The following PTGR2 variants were observed in gnomAD, a reference collection of about 807,000 sequenced individuals.
PTGR2 encodes the protein 15-oxoprostaglandin 13-reductase.
In PTGR2, 32 loss-of-function variants were observed where a neutral mutation model predicts 43.4. That is an observed-to-expected ratio of 0.74 (90% CI 0.56 to 0.99). The LOEUF (loss-of-function observed/expected upper bound fraction) is 0.99, where lower values mean the gene tolerates loss of function less well. Among genes scored for constraint, PTGR2 ranks in the 50% least tolerant of loss-of-function variants. PTGR2 has a pLI of 0.00. For synonymous variants in PTGR2, 106 were observed against 139.2 expected, an observed-to-expected ratio of 0.76 and a Z score of 1.68; for missense variants, 373 against 420.0, an observed-to-expected ratio of 0.89 and a Z score of 0.98.
At chr14:73,877,934 G>C (rs1007893284) in intron 5 of PTGR2, 2 of 152,254 alleles carry the variant, frequency 1.3e-5, no homozygotes, top group African/African-American at 4.8e-5. Flanking sequence ...AACTTGGCAG[G>C]ATTACTTGAG....
At chr14:73,857,075 C>T in intron 1 of PTGR2, among the ~76,000 whole-genome samples, 1 of 151,654 alleles carries the variant, frequency 6.6e-6, no homozygotes, top group East Asian at 1.9e-4. Flanking sequence ...AATTCGAGAC[C>T]AGCCTGAGCA....
chr14:73,861,153 G>C (rs944770763), intron 3 of PTGR2: 6 of 152,854 alleles, frequency 3.9e-5, no homozygotes, highest in African/African-American at 7.3e-5. Context: ...TCTGACTTTG[G>C]CCTCCTTGAA....
chr14:73,854,229 A>G lies in PTGR2; in HGVS notation c.-48+2286A>G, dbSNP rs192208094. On this transcript the variant is annotated intron_variant, in intron 1 of 9. Transcript: ENST00000555661. ...GTGATTCTCCTGCCTCAGCCTCCGG[A>G]GTAGCTGGGATTACAGGCACCCGCC... Among the ~76,000 whole-genome samples the G allele has an allele frequency of 8.1e-3, 1,227 of 152,094 alleles. 16 individuals carry two copies. The highest frequency in any genetic ancestry group is 0.028 in the African/African-American group (1,176 of 41,480).
At chr14:73,866,751 G>A (rs1053459768) in intron 3 of PTGR2, among the ~76,000 whole-genome samples, 4 of 152,054 alleles carry the variant, frequency 2.6e-5, no homozygotes, top group Non-Finnish European at 4.4e-5. Context: ...CTCTAATGTG[G>A]GTGGGCATCA....
intron 1 of PTGR2, among the ~76,000 whole-genome samples, chr14:73,854,256 C>T (rs951976258): frequency 6.6e-6 from 1 of 152,046 alleles, no homozygotes. Flanking sequence ...GCACCCGCCA[C>T]CACGCCTGGT....
intron 3 of PTGR2, among the ~76,000 whole-genome samples, chr14:73,866,945 C>T (rs11848525): frequency 0.033 from 4,948 of 151,728 alleles, 285 homozygotes; most frequent in African/African-American, 0.11. Flanking sequence ...AAAAATTAGC[C>T]GGGTGTGGTG....
chr14:73,868,255 C>T (rs1202979313), intron 3 of PTGR2, among the ~76,000 whole-genome samples: 2 of 152,056 alleles, frequency 1.3e-5, no homozygotes, highest in African/African-American at 4.8e-5. Flanking sequence ...CGCCACTGCA[C>T]TCCAGCCTGG....
At position 73,880,036 on chromosome 14, in the gene PTGR2, A is replaced by G. The variant is rs1397432504; in HGVS notation, c.730-19A>G. 1 of 1,612,270 alleles carries G rather than the reference A, an allele frequency of 6.2e-7. No homozygotes were observed. The highest frequency in any genetic ancestry group is 8.5e-7 in the Non-Finnish European group (1 of 1,178,518). On this transcript the variant is annotated intron_variant, in intron 6 of 9. Transcript: ENST00000555661. ...AAACATAGGAAAGGGATATTTTATC[A>G]TTATTTTTCTCTGTGCAGATGAATG...
intron 3 of PTGR2, among the ~76,000 whole-genome samples, chr14:73,863,116 T>C (rs192304082): frequency 1.7e-3 from 254 of 152,338 alleles, no homozygotes; most frequent in African/African-American, 5.8e-3. Flanking sequence ...ATTCTGCAAC[T>C]GTCATTACAA....
chr14:73,861,609 G>C (rs115184274), intron 3 of PTGR2: 1 of 152,168 alleles, frequency 6.6e-6, no homozygotes, highest in Non-Finnish European at 1.5e-5. Flanking sequence ...GGTGGTGTGT[G>C]CCTGTAGTCC....
chr14:73,860,484 ATAG>A, intron 2 of PTGR2, 52 bp from the exon 3 acceptor site: 1 of 790,178 alleles, frequency 1.3e-6, no homozygotes, highest in Admixed American at 2.3e-5. Flanking sequence ...AATAATAATA[ATAG>A]TATATAGCAA....
intron 5 of PTGR2, chr14:73,877,975 T>C (rs2054901107): frequency 6.6e-6 from 1 of 152,124 alleles, no homozygotes; most frequent in Admixed American, 6.6e-5. Flanking sequence ...CTGGGCAACA[T>C]AGTAAGACTC....
At position 73,879,645 on chromosome 14, in the gene PTGR2, T is replaced by TTGCGTAGAGAATGGGTTTCATAGAGA. The variant is rs11281736; in HGVS notation, c.729+340_729+341insTGCGTAGAGAATGGGTTTCATAGAGA. 489 of 299,778 alleles carry TTGCGTAGAGAATGGGTTTCATAGAGA rather than the reference T, an allele frequency of 1.6e-3. 3 individuals are homozygous for TTGCGTAGAGAATGGGTTTCATAGAGA. The highest frequency in any genetic ancestry group is 2.8e-3 in the Non-Finnish European group (441 of 160,024). 18.6% of individuals were successfully genotyped at this position (299,778 alleles called of 1,614,324 possible). The stretch of plus-strand genomic sequence containing the variant: ...CAACTCACAGCCATGGCCCCAGACC[T>TTGCGTAGAGAATGGGTTTCATAGAGA]ATGGGTTTCATAGGCTGCATGTATT... On this transcript the variant is annotated intron_variant, in intron 6 of 9. Coordinates refer to ENST00000555661, the MANE Select transcript of PTGR2 (RefSeq NM_001146154.2).
At chr14:73,871,846 T>A (rs17782222) in intron 3 of PTGR2, among the ~76,000 whole-genome samples, 46,364 of 151,986 alleles carry the variant, frequency 0.31, 9,013 homozygotes, top group Non-Finnish European at 0.42. Context: ...TTATTTCCAT[T>A]TTTCCTACTA....
intron 9 of PTGR2, among the ~76,000 whole-genome samples, chr14:73,883,724 G>T (rs1215802672): frequency 6.6e-6 from 1 of 152,076 alleles, no homozygotes; most frequent in African/African-American, 2.4e-5. Flanking sequence ...GACTTCAAGT[G>T]ATCCACCCAC....
chr14:73,853,620 G>T (rs1161012490), intron 1 of PTGR2, among the ~76,000 whole-genome samples: 1 of 152,164 alleles, frequency 6.6e-6, no homozygotes, highest in Non-Finnish European at 1.5e-5. Context: ...ACCATACCCG[G>T]CCCCTTTTCT....
intron 3 of PTGR2, among the ~76,000 whole-genome samples, chr14:73,873,765 G>C (rs2054791749): frequency 6.6e-6 from 1 of 152,092 alleles, no homozygotes; most frequent in African/African-American, 2.4e-5. Flanking sequence ...TTCCCAGCCA[G>C]TGACAATTTT....
At position 73,876,483 on chromosome 14, in the gene PTGR2, C is replaced by CTTTTTTTTTTTTTTTTTTTTTTTTTTTTT. The variant is rs766810794; in HGVS notation, c.349-499_349-498insTTTTTTTTTTTTTTTTTTTTTTTTTTTTT. On this transcript the variant is annotated intron_variant, in intron 4 of 9. Coordinates refer to ENST00000555661, the MANE Select transcript of PTGR2 (RefSeq NM_001146154.2). ...TCTTCTTCTTCTAAGGACATAAGTC[C>CTTTTTTTTTTTTTTTTTTTTTTTTTTTTT]TTTTTTTTTTTTTTTTGAGATGAAG... Among the ~76,000 whole-genome samples the CTTTTTTTTTTTTTTTTTTTTTTTTTTTTT allele has an allele frequency of 3.7e-4, 40 of 108,552 alleles. 3 individuals carry two copies. Among genetic ancestry groups the CTTTTTTTTTTTTTTTTTTTTTTTTTTTTT allele is most frequent in the Middle Eastern group, 5.9e-3 (1 of 170 alleles). 71.2% of individuals were successfully genotyped at this position (108,552 alleles called of 152,430 possible).
intron 3 of PTGR2, among the ~76,000 whole-genome samples, chr14:73,867,481 T>C (rs1389128321): frequency 6.6e-6 from 1 of 151,818 alleles, no homozygotes; most frequent in Non-Finnish European, 1.5e-5. Context: ...ATTTGGGTGT[T>C]CATTAATTTC....
Sources: allele counts gnomAD v4.1 joint callset (sites outside exome capture counted in the v4.1 genomes callset), GRCh38; gene constraint gnomAD v4.1.1; transcripts MANE v1.5; gene names NCBI Gene and HGNC (gene_info 2026-07-23, HGNC 2026-07-21).